EYS: variants seen among roughly 807,000 people sequenced by gnomAD.
EYS encodes the protein EGF-like photoreceptor maintenance factor, also known as protein eyes shut homolog.
EYS carries 250 observed loss-of-function variants against 282.1 expected under a neutral mutation model. The ratio of observed to expected loss-of-function variants is 0.89; its 90% confidence interval spans 0.80 to 0.98. The LOEUF is 0.98. Among genes scored for constraint, EYS ranks in the 50% least tolerant of loss-of-function variants. The pLI is 0.00. For missense variants in EYS, 4,016 were observed against 3,709.0 expected (o/e 1.08, Z -2.15); for synonymous variants, 1,355 against 1,282.9 (o/e 1.06, Z -1.20).
chr6:64,546,153 G>A (rs1251487691), intron 26 of EYS, among the ~76,000 whole-genome samples: 3 of 152,048 alleles, frequency 2.0e-5, no homozygotes, highest in Non-Finnish European at 4.4e-5. Flanking sequence ...AAAACAGCAT[G>A]GTACTGGTAC....
chr6:65,369,512 TA>T (rs1441739857), intron 8 of EYS, among the ~76,000 whole-genome samples: 23 of 151,302 alleles, frequency 1.5e-4, no homozygotes, highest in African/African-American at 5.3e-4. Context: ...TATGGTCTGC[TA>T]GTCTGAAACA....
chr6:65,247,024 A>G (rs1386994075), intron 12 of EYS, among the ~76,000 whole-genome samples: 1 of 152,132 alleles, frequency 6.6e-6, no homozygotes, highest in Non-Finnish European at 1.5e-5. Flanking sequence ...ATATAAGGTG[A>G]TAAAGTAAAA....
intron 28 of EYS, among the ~76,000 whole-genome samples, chr6:64,408,110 G>T (rs766146989): frequency 3.9e-5 from 6 of 151,946 alleles, no homozygotes; most frequent in Middle Eastern, 3.4e-3. Flanking sequence ...TCCTTATTCT[G>T]CTCTAAACCT....
intron 15 of EYS, among the ~76,000 whole-genome samples, chr6:64,926,910 A>G (rs1768535145): frequency 6.6e-6 from 1 of 152,350 alleles, no homozygotes; most frequent in Admixed American, 6.5e-5. Context: ...GAGCAAATAT[A>G]AAGACTATAC....
chr6:64,910,426 A>G (rs1318513062), intron 16 of EYS, among the ~76,000 whole-genome samples: 1 of 152,094 alleles, frequency 6.6e-6, no homozygotes, highest in African/African-American at 2.4e-5. Flanking sequence ...ACGTTATTAC[A>G]GTATTCAGAT....
intron 35 of EYS, among the ~76,000 whole-genome samples, chr6:63,961,167 AGG>A (rs1217343451): frequency 1.3e-5 from 2 of 152,220 alleles, no homozygotes; most frequent in Admixed American, 1.3e-4. Flanking sequence ...TTGTCTGATT[AGG>A]GCTTACTTCA....
At chr6:65,011,967 A>C (rs74392818) in intron 13 of EYS, among the ~76,000 whole-genome samples, 24 of 150,392 alleles carry the variant, frequency 1.6e-4, no homozygotes, top group Non-Finnish European at 2.4e-4. Context: ...TTGCAACAGC[A>C]AAAAAAAGAA....
intron 2 of EYS, among the ~76,000 whole-genome samples, chr6:65,552,297 C>T (rs917326900): frequency 4.6e-5 from 7 of 152,096 alleles, no homozygotes; most frequent in African/African-American, 1.4e-4. Flanking sequence ...GGAACTTTTT[C>T]AGTGACCCTA....
At chr6:64,951,674 TGA>T (rs1769516241) in intron 14 of EYS, among the ~76,000 whole-genome samples, 1 of 151,818 alleles carries the variant, frequency 6.6e-6, no homozygotes, top group African/African-American at 2.4e-5. Flanking sequence ...AGAAAAACTC[TGA>T]GTTTGAAAAT....
intron 22 of EYS, among the ~76,000 whole-genome samples, chr6:64,780,907 A>T (rs1773838369): frequency 1.3e-5 from 2 of 152,230 alleles, no homozygotes; most frequent in Non-Finnish European, 2.9e-5. Flanking sequence ...ATGTGTATAT[A>T]TGCTTCTCAA....
intron 41 of EYS, among the ~76,000 whole-genome samples, chr6:63,742,871 T>C (rs575651945): frequency 6.6e-6 from 1 of 152,360 alleles, no homozygotes; most frequent in East Asian, 1.9e-4. Context: ...CATTCATCCA[T>C]TGAAGGACAT....
chr6:65,488,786 C>T (rs1442934261), intron 5 of EYS, among the ~76,000 whole-genome samples: 1 of 152,044 alleles, frequency 6.6e-6, no homozygotes, highest in African/African-American at 2.4e-5. Context: ...GATATATAGA[C>T]CAATGGAACA....
intron 35 of EYS, among the ~76,000 whole-genome samples, chr6:63,929,180 T>G (rs1056916664): frequency 2.6e-5 from 4 of 152,236 alleles, no homozygotes; most frequent in African/African-American, 9.6e-5. Context: ...TGAAGTGAAC[T>G]GTTTCTAATC....
chr6:65,060,127 C>T (rs977259818), intron 12 of EYS, among the ~76,000 whole-genome samples: 10 of 151,802 alleles, frequency 6.6e-5, no homozygotes, highest in East Asian at 5.8e-4. Context: ...ACCCCTCATC[C>T]GTATTTCCCA....
intron 22 of EYS, among the ~76,000 whole-genome samples, chr6:64,686,854 T>TATATATATATAC (rs1562134056): frequency 5.1e-5 from 1 of 19,744 alleles, no homozygotes; most frequent in East Asian, 5.4e-4. Flanking sequence ...TATATATATA[T>TATATATATATAC]GTGTATATAT....
intron 12 of EYS, among the ~76,000 whole-genome samples, chr6:65,213,880 G>T (rs1208592316): frequency 6.6e-6 from 1 of 152,066 alleles, no homozygotes; most frequent in Non-Finnish European, 1.5e-5. Context: ...CTGAAAGCTG[G>T]CCGGGCGTGG....
intron 7 of EYS, among the ~76,000 whole-genome samples, chr6:65,395,255 G>T (rs2150359408): frequency 6.6e-6 from 1 of 152,244 alleles, no homozygotes; most frequent in South Asian, 2.1e-4. Flanking sequence ...TAGAGATGGG[G>T]TTTCTCCATG....
intron 31 of EYS, among the ~76,000 whole-genome samples, chr6:64,178,560 G>T (rs953920453): frequency 3.9e-5 from 6 of 151,998 alleles, no homozygotes; most frequent in African/African-American, 1.4e-4. Context: ...ATAGACTTTA[G>T]CACTGTGCCT....
intron 8 of EYS, among the ~76,000 whole-genome samples, chr6:65,368,294 T>A (rs951181709): frequency 1.3e-5 from 2 of 151,600 alleles, no homozygotes; most frequent in Non-Finnish European, 1.5e-5. Context: ...ACCATGTTAA[T>A]TTTTATTTTT....
Sources: allele counts gnomAD v4.1 joint callset (sites outside exome capture counted in the v4.1 genomes callset), GRCh38; gene constraint gnomAD v4.1.1; transcripts MANE v1.5; gene names NCBI Gene and HGNC (gene_info 2026-07-23, HGNC 2026-07-21).